The following KIF1B variants were observed in gnomAD, a reference collection of about 807,000 sequenced individuals.
The protein encoded by KIF1B is kinesin-like protein KIF1B.
In KIF1B, 76 loss-of-function variants were observed where a neutral mutation model predicts 241.9. The ratio of observed to expected loss-of-function variants is 0.31; its 90% CI spans 0.26 to 0.38. KIF1B has a LOEUF of 0.38. Among genes scored for constraint, KIF1B ranks in the 10% least tolerant of loss-of-function variants. KIF1B has a pLI of 1.00. For synonymous variants in KIF1B, 750 were observed against 796.7 expected (o/e 0.94, Z 0.99); for missense variants, 1,622 against 2,271.4 (o/e 0.71, Z 5.81).
chr1:10,224,425 T>G (rs1646885414), intron 1 of KIF1B, among the ~76,000 whole-genome samples: 3 of 151,906 alleles, frequency 2.0e-5, no homozygotes, highest in Non-Finnish European at 4.4e-5. Context: ...CTGTTTTGTG[T>G]GTGTGTTTTT....
At chr1:10,222,523 A>G (rs1307883855) in intron 1 of KIF1B, among the ~76,000 whole-genome samples, 1 of 152,204 alleles carries the variant, frequency 6.6e-6, no homozygotes, top group Non-Finnish European at 1.5e-5. Flanking sequence ...AAGGAATGCT[A>G]CAAACACAAA....
At chr1:10,333,814 A>T (rs1015519073) in intron 27 of KIF1B, among the ~76,000 whole-genome samples, 1 of 151,782 alleles carries the variant, frequency 6.6e-6, no homozygotes, top group East Asian at 1.9e-4. Context: ...TGTTTTATCT[A>T]TTGGGAAAAA....
intron 44 of KIF1B, among the ~76,000 whole-genome samples, chr1:10,370,428 G>A (rs1454549627): frequency 1.3e-5 from 2 of 151,836 alleles, no homozygotes; most frequent in Non-Finnish European, 2.9e-5. Flanking sequence ...GTTGGGTGTG[G>A]TGGTGTACAC....
chr1:10,240,566 G>A (rs1163897327), intron 2 of KIF1B, among the ~76,000 whole-genome samples: 1 of 152,116 alleles, frequency 6.6e-6, no homozygotes, highest in Non-Finnish European at 1.5e-5. Flanking sequence ...CACTCAGAGT[G>A]CAGAAAGGGG....
rs762855486 is a variant in KIF1B at position 10,291,068 on chromosome 1, G to T, written c.1435-14G>T. ...AGACTCTTTGCCTCTTTAACTGTGCGCTTCCTTCCTTAGGAATCAGAGAAG... is the reference window on the plus strand; with the variant it reads ...AGACTCTTTGCCTCTTTAACTGTGCTCTTCCTTCCTTAGGAATCAGAGAAG... On this transcript the variant is annotated splice_polypyrimidine_tract_variant and intron_variant, in intron 15 of 48. Transcript: ENST00000676179. The T allele has an allele frequency of 1.9e-6, 3 of 1,606,974 alleles. No homozygotes were observed. Among genetic ancestry groups the T allele is most frequent in the Non-Finnish European group, 2.6e-6 (3 of 1,174,194 alleles).
intron 38 of KIF1B, among the ~76,000 whole-genome samples, chr1:10,354,759 T>G (rs139970678): frequency 8.3e-4 from 127 of 152,316 alleles, no homozygotes; most frequent in Non-Finnish European, 1.4e-3. Flanking sequence ...GAGACATCTT[T>G]GTAGTTTAGA....
intron 11 of KIF1B, 133 bp downstream of exon 11, chr1:10,275,636 C>T: frequency 2.8e-6 from 2 of 725,754 alleles, no homozygotes; most frequent in East Asian, 2.5e-5. Flanking sequence ...TCCTTGCCTG[C>T]TTTCATTTTT....
At chr1:10,281,399 AT>A (rs889253811) in intron 14 of KIF1B, among the ~76,000 whole-genome samples, 68 of 151,872 alleles carry the variant, frequency 4.5e-4, no homozygotes, top group African/African-American at 1.6e-3. Flanking sequence ...TTGTGGCTTA[AT>A]TTTTTTTTCT....
chr1:10,341,656 G>A (rs1652397104), intron 32 of KIF1B, among the ~76,000 whole-genome samples: 1 of 152,206 alleles, frequency 6.6e-6, no homozygotes, highest in South Asian at 2.1e-4. Flanking sequence ...AAAATACCCA[G>A]CAGATACTGG....
At chr1:10,252,320 G>A (rs965365074) in intron 2 of KIF1B, among the ~76,000 whole-genome samples, 5 of 152,132 alleles carry the variant, frequency 3.3e-5, no homozygotes, top group Non-Finnish European at 5.9e-5. Flanking sequence ...GATTACAGGC[G>A]TGAGTGACCG....
chr1:10,381,463 A>G lies in KIF1B; in HGVS notation c.*4876A>G, dbSNP rs1639019845. On this transcript the variant is annotated 3_prime_UTR_variant, in exon 49 of 49. Transcript: ENST00000676179. ...TACAGACTGTAAATATAGTTCTTGT[A>G]TTTGTACTAATTCTGATTCTTTTGC... is the stretch of plus-strand genomic sequence containing the variant. The G allele has an allele frequency of 4.8e-6, 1 of 206,776 alleles. No individual in the cohort carries two copies. Among genetic ancestry groups the G allele is most frequent in the Admixed American group, 5.9e-5 (1 of 16,838 alleles). 12.8% of individuals were successfully genotyped at this position (206,776 alleles called of 1,614,324 possible).
intron 1 of KIF1B, among the ~76,000 whole-genome samples, chr1:10,217,635 G>T (rs536144938): frequency 6.6e-6 from 1 of 151,944 alleles, no homozygotes; most frequent in African/African-American, 2.4e-5. Flanking sequence ...TCTTTCTTCT[G>T]CCTGGAATAC....
At chr1:10,332,290 TC>T (rs1290667015) in intron 27 of KIF1B, among the ~76,000 whole-genome samples, 2 of 151,854 alleles carry the variant, frequency 1.3e-5, no homozygotes, top group Non-Finnish European at 2.9e-5. Flanking sequence ...GGTCTCGAAC[TC>T]CTGACCTCAG....
chr1:10,348,751 G>C lies in KIF1B; in HGVS notation c.3949+18G>C. The C allele has an allele frequency of 1.9e-6, 3 of 1,593,472 alleles. No homozygotes were observed. The highest frequency in any genetic ancestry group is 1.7e-6 in the Non-Finnish European group (2 of 1,161,666). ...GGTGGTAGGTGAGTACGTTTCATCA[G>C]CCAAGGATAGAACCAGGACTTACAG... On this transcript the variant is annotated intron_variant, in intron 37 of 48. Coordinates refer to ENST00000676179, the MANE Select transcript of KIF1B (RefSeq NM_001365951.3).
Position 10,231,378 on chromosome 1 carries a change from C to CTTTTTTTTTTTTTTTTTTTTTTTTT in KIF1B, c.-79-849_-79-848insTTTTTTTTTTTTTTTTTTTTTTTTT, listed in dbSNP as rs35213507. Reference sequence around the variant, plus strand: ...ATTAATGTATGGAGAGTTCAGTGCCCTTTTTTTTTTTTTTTTTTTTTTTGT... The same window carrying CTTTTTTTTTTTTTTTTTTTTTTTTT: ...ATTAATGTATGGAGAGTTCAGTGCCCTTTTTTTTTTTTTTTTTTTTTTTTTTTTTTTTTTTTTTTTTTTTTTTTGT... On this transcript the variant is annotated intron_variant, in intron 1 of 48. Transcript: ENST00000676179. Among the ~76,000 whole-genome samples the CTTTTTTTTTTTTTTTTTTTTTTTTT allele has an allele frequency of 5.8e-5, 5 of 85,716 alleles. 2 individuals carry two copies. The highest frequency in any genetic ancestry group is 9.9e-5 in the African/African-American group (2 of 20,192). The allele number at this position is 85,716 out of a possible 152,430, so 56.2% of individuals were successfully genotyped here.
intron 8 of KIF1B, 67 bp downstream of exon 8, chr1:10,271,646 T>G: frequency 1.8e-6 from 2 of 1,083,134 alleles, no homozygotes; most frequent in Non-Finnish European, 2.9e-6. Flanking sequence ...TAAATAAAAT[T>G]TTATTGAAAC....
chr1:10,271,480 C>G, intron 7 of KIF1B, 22 bp from the exon 8 acceptor site: 1 of 1,562,324 alleles, frequency 6.4e-7, no homozygotes. Flanking sequence ...TGAATTGCCC[C>G]CATGTTATTG....
intron 27 of KIF1B, among the ~76,000 whole-genome samples, chr1:10,330,145 C>T (rs1651869272): frequency 6.6e-6 from 1 of 152,100 alleles, no homozygotes; most frequent in African/African-American, 2.4e-5. Context: ...TCTGCTAGGT[C>T]AAAGTATAAG....
At chr1:10,354,542 C>A (rs1387496735) in intron 38 of KIF1B, among the ~76,000 whole-genome samples, 2 of 152,192 alleles carry the variant, frequency 1.3e-5, no homozygotes, top group Admixed American at 6.5e-5. Context: ...TTTTAAACAA[C>A]TCACCATTTT....
Sources: gnomAD v4.1 joint callset for allele counts (sites outside exome capture counted in the v4.1 genomes callset) on GRCh38, gnomAD v4.1.1 for gene constraint, MANE v1.5 for transcripts, NCBI Gene and HGNC (gene_info 2026-07-23, HGNC 2026-07-21) for gene names.